The following SNTG1 variants were observed in gnomAD, a reference collection of about 807,000 sequenced individuals.
The protein encoded by SNTG1 is syntrophin gamma 1.
SNTG1 carries 39 observed loss-of-function variants against 74.7 expected under a neutral mutation model. The ratio of observed to expected loss-of-function variants is 0.52; its 90% CI spans 0.40 to 0.68. The LOEUF (loss-of-function observed/expected upper bound fraction) is 0.68, where lower values mean the gene tolerates loss of function less well. Among genes scored for constraint, SNTG1 ranks in the 30% least tolerant of loss-of-function variants. The pLI is 0.00. For missense variants in SNTG1, 685 were observed against 609.5 expected, an observed-to-expected ratio of 1.12 and a Z score of -1.30; for synonymous variants, 254 against 217.1, an observed-to-expected ratio of 1.17 and a Z score of -1.49.
At chr8:50,637,141 G>A (rs1000233375) in intron 13 of SNTG1, among the ~76,000 whole-genome samples, 1 of 152,164 alleles carries the variant, frequency 6.6e-6, no homozygotes, top group Non-Finnish European at 1.5e-5. Flanking sequence ...AGAAGCATGA[G>A]ACATGTAGTA....
intron 2 of SNTG1, among the ~76,000 whole-genome samples, chr8:50,360,728 C>T (rs953221373): frequency 6.6e-5 from 10 of 152,058 alleles, no homozygotes; most frequent in African/African-American, 2.4e-4. Context: ...CATATCTAAA[C>T]ATGGAAAAGG....
intron 1 of SNTG1, among the ~76,000 whole-genome samples, chr8:49,969,554 G>A (rs1811467088): frequency 6.6e-6 from 1 of 151,868 alleles, no homozygotes; most frequent in Non-Finnish European, 1.5e-5. Flanking sequence ...CCACCACCAT[G>A]CCCAGCTAAT....
chr8:50,776,389 T>G (rs1290008398), intron 18 of SNTG1, among the ~76,000 whole-genome samples: 1 of 147,470 alleles, frequency 6.8e-6, no homozygotes, highest in African/African-American at 2.4e-5. Context: ...TTTATTATAT[T>G]TTACATTTTA....
At chr8:50,146,569 T>C (rs1026823203) in intron 1 of SNTG1, among the ~76,000 whole-genome samples, 3 of 151,370 alleles carry the variant, frequency 2.0e-5, no homozygotes, top group African/African-American at 7.3e-5. Flanking sequence ...CAAAACAAAG[T>C]GGGAATTCTA....
chr8:50,481,927 AGCAGTGAAT>A (rs1410943608), intron 8 of SNTG1, among the ~76,000 whole-genome samples: 1 of 152,232 alleles, frequency 6.6e-6, no homozygotes, highest in East Asian at 1.9e-4. Context: ...AGTCAGTCCC[AGCAGTGAAT>A]GGAAACAGTT....
At chr8:50,154,152 C>A (rs573072603) in intron 1 of SNTG1, among the ~76,000 whole-genome samples, 209 of 152,278 alleles carry the variant, frequency 1.4e-3, no homozygotes, top group African/African-American at 4.8e-3. Flanking sequence ...TGATGTCAGA[C>A]TGCTGTGCTA....
chr8:50,758,654 A>C (rs2095588140), intron 18 of SNTG1, among the ~76,000 whole-genome samples: 1 of 152,092 alleles, frequency 6.6e-6, no homozygotes, highest in Admixed American at 6.6e-5. Context: ...ACATGAACTC[A>C]TCCGTTTTTA....
chr8:50,782,591 T>C (rs956590015), intron 18 of SNTG1, among the ~76,000 whole-genome samples: 1 of 152,190 alleles, frequency 6.6e-6, no homozygotes, highest in Non-Finnish European at 1.5e-5. Flanking sequence ...TTGGTTATTC[T>C]AGTTATACAT....
chr8:50,079,442 C>A (rs1469465138), intron 1 of SNTG1, among the ~76,000 whole-genome samples: 1 of 148,668 alleles, frequency 6.7e-6, no homozygotes. Context: ...TGTTTAAGTT[C>A]CTTGTAGATT....
intron 13 of SNTG1, among the ~76,000 whole-genome samples, chr8:50,622,020 C>A (rs1217662032): frequency 6.6e-6 from 1 of 152,068 alleles, no homozygotes. Flanking sequence ...TTGTGCTCAC[C>A]CTCTATGCCA....
chr8:50,033,415 C>A (rs760278604), intron 1 of SNTG1, among the ~76,000 whole-genome samples: 3 of 152,114 alleles, frequency 2.0e-5, no homozygotes, highest in African/African-American at 7.2e-5. Context: ...TGAGCCACTG[C>A]GCCCAGCCAA....
intron 1 of SNTG1, among the ~76,000 whole-genome samples, chr8:49,988,777 A>G (rs566528635): frequency 1.3e-5 from 2 of 152,138 alleles, no homozygotes; most frequent in Non-Finnish European, 2.9e-5. Flanking sequence ...TAAGCACTAC[A>G]TAGAGATAAA....
intron 1 of SNTG1, among the ~76,000 whole-genome samples, chr8:49,978,556 C>A (rs1252136251): frequency 6.6e-6 from 1 of 152,024 alleles, no homozygotes; most frequent in Non-Finnish European, 1.5e-5. Context: ...TAAAAATGGG[C>A]TTGTTTTGAT....
intron 15 of SNTG1, among the ~76,000 whole-genome samples, chr8:50,668,793 C>T (rs1342539362): frequency 6.6e-6 from 1 of 151,858 alleles, no homozygotes; most frequent in Non-Finnish European, 1.5e-5. Flanking sequence ...ATCCATGTCC[C>T]TGCAAAGGAC....
chr8:50,677,395 C>A (rs978091662), intron 15 of SNTG1, among the ~76,000 whole-genome samples: 1 of 151,842 alleles, frequency 6.6e-6, no homozygotes, highest in Non-Finnish European at 1.5e-5. Flanking sequence ...TATATGGACA[C>A]CCATAACATA....
intron 15 of SNTG1, among the ~76,000 whole-genome samples, chr8:50,662,544 A>C (rs1045971493): frequency 6.6e-6 from 1 of 152,246 alleles, no homozygotes; most frequent in African/African-American, 2.4e-5. Flanking sequence ...AAGGTCACAC[A>C]GCTAGTAAAT....
intron 1 of SNTG1, among the ~76,000 whole-genome samples, chr8:49,965,018 A>G (rs7001112): frequency 0.049 from 7,447 of 152,292 alleles, 603 homozygotes; most frequent in African/African-American, 0.17. Context: ...AACAGGATAG[A>G]GCATGGGATC....
chr8:50,095,038 G>T (rs1275021458), intron 1 of SNTG1, among the ~76,000 whole-genome samples: 1 of 152,140 alleles, frequency 6.6e-6, no homozygotes. Flanking sequence ...ATTATCCTAA[G>T]CAAGCTAATG....
chr8:50,620,356 G>A (rs2094913740), intron 13 of SNTG1, among the ~76,000 whole-genome samples: 1 of 152,168 alleles, frequency 6.6e-6, no homozygotes, highest in Non-Finnish European at 1.5e-5. Flanking sequence ...AAGGGTCTAT[G>A]TGATTGGATG....
Sources: allele counts gnomAD v4.1 joint callset (sites outside exome capture counted in the v4.1 genomes callset), GRCh38; gene constraint gnomAD v4.1.1; transcripts MANE v1.5; gene names NCBI Gene and HGNC (gene_info 2026-07-23, HGNC 2026-07-21).